Variants in CTNNA2 observed in about 807,000 individuals in gnomAD.
The protein encoded by CTNNA2 is catenin alpha-2.
CTNNA2 carries 42 observed loss-of-function variants against 101.0 expected under a neutral mutation model. The ratio of observed to expected loss-of-function variants is 0.42; its 90% confidence interval spans 0.32 to 0.54. The LOEUF (loss-of-function observed/expected upper bound fraction) is 0.54, where lower values mean the gene tolerates loss of function less well. Among genes scored for constraint, CTNNA2 ranks in the 20% least tolerant of loss-of-function variants. The probability of loss-of-function intolerance (pLI) is 0.14; values close to 1 mark genes in which losing one functional copy is unlikely to be tolerated. For missense variants in CTNNA2, 871 were observed against 1,223.1 expected (o/e 0.71, Z 4.29); for synonymous variants, 450 against 456.4 (o/e 0.99, Z 0.18).
At chr2:80,143,513 A>G (rs1172468952) in intron 7 of CTNNA2, among the ~76,000 whole-genome samples, 1 of 152,086 alleles carries the variant, frequency 6.6e-6, no homozygotes, top group Admixed American at 6.6e-5. Flanking sequence ...CATGCTGTGC[A>G]GTAGACCACC....
chr2:79,466,312 G>A (rs1032820676), intron 4 of CTNNA2, among the ~76,000 whole-genome samples: 1 of 152,204 alleles, frequency 6.6e-6, no homozygotes, highest in African/African-American at 2.4e-5. Context: ...GAACTGCAAG[G>A]TGGCAGCAAG....
intron 7 of CTNNA2, among the ~76,000 whole-genome samples, chr2:80,232,341 G>GTTGTTTTTTTTTTTTTTT (rs1709276642): frequency 1.2e-5 from 1 of 82,058 alleles, no homozygotes; most frequent in African/African-American, 3.3e-5. Context: ...TTGTTTGTTT[G>GTTGTTTTTTTTTTTTTTT]TTTGTTTTTT....
At chr2:80,004,575 CT>C (rs1384155582) in intron 7 of CTNNA2, among the ~76,000 whole-genome samples, 2 of 152,178 alleles carry the variant, frequency 1.3e-5, no homozygotes, top group Non-Finnish European at 1.5e-5. Context: ...CTATCATCAT[CT>C]TTATGTTAGA....
In CTNNA2 at chr2:80,536,559, T is replaced by A. The variant is rs193147786; in HGVS notation, c.1291-8423T>A. ...TGAATGCAGTGAATATTTGCTGGTG[T>A]TTCAAACAGAACAGAATCACAAATA... is the stretch of plus-strand genomic sequence containing the variant. On this transcript the variant is annotated intron_variant, in intron 9 of 18. Transcript: ENST00000402739. Among the ~76,000 whole-genome samples, 52 of 152,294 alleles carry A rather than the reference T, an allele frequency of 3.4e-4. No individual in the cohort carries two copies. The East Asian group carries it at 0.01, about 30-fold the overall frequency.
At chr2:79,744,078 G>C (rs1431509330) in intron 2 of CTNNA2, among the ~76,000 whole-genome samples, 3 of 152,074 alleles carry the variant, frequency 2.0e-5, no homozygotes, top group African/African-American at 7.2e-5. Context: ...AAGGAGCACT[G>C]TACCTGTCAG....
chr2:79,715,840 C>G (rs900949285), intron 2 of CTNNA2, among the ~76,000 whole-genome samples: 1 of 118,498 alleles, frequency 8.4e-6, no homozygotes, highest in Non-Finnish European at 1.8e-5. Flanking sequence ...AGGATAGATA[C>G]GTCTAATATC....
chr2:79,446,611 A>G (rs1353092974), intron 4 of CTNNA2, among the ~76,000 whole-genome samples: 2 of 152,054 alleles, frequency 1.3e-5, no homozygotes, highest in Non-Finnish European at 2.9e-5. Flanking sequence ...TTGATGGTGG[A>G]GAAAGGGTTC....
At chr2:79,860,449 C>A (rs1574154407) in intron 4 of CTNNA2, among the ~76,000 whole-genome samples, 1 of 151,900 alleles carries the variant, frequency 6.6e-6, no homozygotes, top group South Asian at 2.1e-4. Flanking sequence ...TCTCATCCCA[C>A]CTGTTTTGAC....
At chr2:80,308,949 C>T (rs1038391240) in intron 7 of CTNNA2, among the ~76,000 whole-genome samples, 3 of 151,798 alleles carry the variant, frequency 2.0e-5, no homozygotes, top group African/African-American at 4.8e-5. Context: ...ATTAGCCAGG[C>T]GTGGTGGTGG....
chr2:80,229,933 T>G (rs186563150), intron 7 of CTNNA2, among the ~76,000 whole-genome samples: 208 of 152,322 alleles, frequency 1.4e-3, no homozygotes, highest in African/African-American at 4.8e-3. Context: ...ACTCCATATA[T>G]GATAGCGGTG....
chr2:79,443,886 A>G (rs976862001), intron 4 of CTNNA2, among the ~76,000 whole-genome samples: 11 of 142,444 alleles, frequency 7.7e-5, no homozygotes, highest in African/African-American at 2.9e-4. Flanking sequence ...TTAAGCTTTT[A>G]TCTTATTTGT....
intron 17 of CTNNA2, chr2:80,608,554 A>G (rs1454504355): frequency 1.2e-5 from 4 of 342,120 alleles, no homozygotes; most frequent in Non-Finnish European, 1.6e-5. Context: ...TCTTCACAAG[A>G]AAACTAATTT....
chr2:80,221,168 C>G (rs1708554436), intron 7 of CTNNA2, among the ~76,000 whole-genome samples: 1 of 152,236 alleles, frequency 6.6e-6, no homozygotes, highest in Admixed American at 6.5e-5. Flanking sequence ...CAGGCGTGAG[C>G]CACCTTGCCC....
At chr2:80,375,573 T>G (rs1484978749) in intron 7 of CTNNA2, among the ~76,000 whole-genome samples, 2 of 144,642 alleles carry the variant, frequency 1.4e-5, no homozygotes, top group East Asian at 4.0e-4. Flanking sequence ...TTTTTTTTTT[T>G]TTTTTTTTTG....
At chr2:79,766,280 G>A (rs888984770) in intron 3 of CTNNA2, among the ~76,000 whole-genome samples, 2 of 152,262 alleles carry the variant, frequency 1.3e-5, no homozygotes, top group Non-Finnish European at 1.5e-5. Context: ...TGTGCTTGAA[G>A]GATGTTTTCA....
chr2:79,369,315 A>G (rs1334353429), intron 3 of CTNNA2, among the ~76,000 whole-genome samples: 1 of 152,054 alleles, frequency 6.6e-6, no homozygotes, highest in Admixed American at 6.5e-5. Context: ...TGGGCTCTTT[A>G]TGTTCCTCAA....
At chr2:79,408,977 T>G (rs1377669164) in intron 4 of CTNNA2, among the ~76,000 whole-genome samples, 4 of 151,808 alleles carry the variant, frequency 2.6e-5, no homozygotes, top group Non-Finnish European at 4.4e-5. Flanking sequence ...CCTGACTTTT[T>G]GATGATTGCC....
chr2:80,019,603 CT>C (rs1694411348), intron 7 of CTNNA2, among the ~76,000 whole-genome samples: 1 of 152,258 alleles, frequency 6.6e-6, no homozygotes, highest in African/African-American at 2.4e-5. Flanking sequence ...CCTAAGGAAG[CT>C]TTTATTTTCT....
intron 7 of CTNNA2, among the ~76,000 whole-genome samples, chr2:80,337,883 C>G (rs778261384): frequency 6.6e-6 from 1 of 152,186 alleles, no homozygotes; most frequent in African/African-American, 2.4e-5. Flanking sequence ...GTGGGCTGGT[C>G]CAGAGGATAG....
Sources: allele counts gnomAD v4.1 joint callset (sites outside exome capture counted in the v4.1 genomes callset), GRCh38; gene constraint gnomAD v4.1.1; transcripts MANE v1.5; gene names NCBI Gene and HGNC (gene_info 2026-07-23, HGNC 2026-07-21).